The following TCHP variants were observed in gnomAD, a reference collection of about 807,000 sequenced individuals.
TCHP encodes trichoplein keratin filament-binding protein.
In TCHP, 81 loss-of-function variants were observed where a neutral mutation model predicts 88.7. That is an observed-to-expected ratio of 0.91 (90% CI 0.76 to 1.10). TCHP has a LOEUF of 1.10. Among genes scored for constraint, TCHP ranks in the 50% least tolerant of loss-of-function variants. The pLI is 0.00. For synonymous variants in TCHP, 232 were observed against 232.5 expected (o/e 1.00, Z 0.02); for missense variants, 641 against 632.1 (o/e 1.01, Z -0.15).
chr12:109,904,629 G>C, intron 3 of TCHP, 108 bp from the exon 4 acceptor site: 2 of 910,984 alleles, frequency 2.2e-6, no homozygotes, highest in East Asian at 5.0e-5. Flanking sequence ...CAGTGACGGT[G>C]TGAAGGGAGG....
the TCHP span, among the ~76,000 whole-genome samples, chr12:109,890,347 T>C: frequency 6.7e-6 from 1 of 150,158 alleles, no homozygotes; most frequent in Non-Finnish European, 1.5e-5. Context: ...CGCATGTGCC[T>C]GTGGTCCCAG....
the TCHP span, among the ~76,000 whole-genome samples, chr12:109,891,049 T>C: frequency 6.6e-6 from 1 of 152,248 alleles, no homozygotes; most frequent in Non-Finnish European, 1.5e-5. Flanking sequence ...CTAGGGTATT[T>C]GTTCCTTTCT....
chr12:109,908,677 T>C lies in TCHP; in HGVS notation c.791T>C (p.Phe264Ser). Residue 264 changes from phenylalanine to serine, a missense_variant, in exon 7 of 13, where the codon TTC (phenylalanine) becomes TCC (serine). Coordinates refer to ENST00000405876, the MANE Select transcript of TCHP (RefSeq NM_001143852.2). ...LEEERKQMEA[F>S]RQKAELGRFL... The stretch of plus-strand genomic sequence containing the variant: ...GAAGAGCGAAAGCAGATGGAAGCCT[T>C]CCGGCAGAAGGCAGAGCTGGGGTGT... 6.3e-7 allele frequency: 1 copy of C among 1,597,300 alleles called. No homozygotes were observed. Among genetic ancestry groups the C allele is most frequent in the Non-Finnish European group, 8.5e-7 (1 of 1,173,466 alleles).
rs1287484616 is a variant in TCHP at position 109,905,477 on chromosome 12, C to T, written c.456+684C>T. Among the ~76,000 whole-genome samples the T allele has an allele frequency of 6.6e-6, 1 of 152,172 alleles. No individual in the cohort carries two copies. Among genetic ancestry groups the T allele is most frequent in the Admixed American group, 6.5e-5 (1 of 15,274 alleles). On this transcript the variant is annotated intron_variant, in intron 4 of 12. Coordinates refer to ENST00000405876, the MANE Select transcript of TCHP (RefSeq NM_001143852.2). This position sits in a 1 kb window ranked among gnomAD's most constrained non-coding sequence, Gnocchi z 4.0. ...GACTCCTCTGGTAGCAATGTGCCCG[C>T]CGACAGGGAGGGGTGCTGCGACAGC...
the TCHP span, among the ~76,000 whole-genome samples, chr12:109,886,682 T>C: frequency 6.6e-6 from 1 of 152,080 alleles, no homozygotes; most frequent in Admixed American, 6.6e-5. Flanking sequence ...GATGTGCTTT[T>C]TGTTTTTTGG....
chr12:109,899,320 A>G (rs1448920525), upstream of TCHP, among the ~76,000 whole-genome samples: 2 of 152,144 alleles, frequency 1.3e-5, no homozygotes, highest in South Asian at 2.1e-4. Context: ...AACACTTTTG[A>G]ACTCACCACC....
chr12:109,895,773 C>G (rs1376251213), upstream of TCHP, among the ~76,000 whole-genome samples: 6 of 152,140 alleles, frequency 3.9e-5, no homozygotes, highest in Admixed American at 1.3e-4. Flanking sequence ...GTGTCACCCC[C>G]TCTCCCTGTT....
rs1870913345 is a variant in TCHP, at chr12:109,918,041, T to C, written c.*1418T>C. ...GTTCCCCATTTCAGATGTCCAGTAA[T>C]GGTGAAATAAAATCCTGCTTCGACA... is the stretch of plus-strand genomic sequence containing the variant. On this transcript the variant is annotated 3_prime_UTR_variant, in exon 13 of 13. Coordinates refer to ENST00000405876, the MANE Select transcript of TCHP (RefSeq NM_001143852.2). The C allele has an allele frequency of 6.6e-6, 1 of 152,192 alleles. No homozygotes were observed. Among genetic ancestry groups the C allele is most frequent in the Non-Finnish European group, 1.5e-5 (1 of 68,032 alleles). 9.4% of individuals were successfully genotyped at this position (152,192 alleles called of 1,614,324 possible).
At position 109,917,626 on chromosome 12, in the gene TCHP, C is replaced by T. The variant is rs117176903; in HGVS notation, c.*1003C>T. ...CTAGATGAGTCTCAGAACCACAGAC[C>T]GGCCAGAAATCTCTCCCACCATTAT... is the stretch of plus-strand genomic sequence containing the variant. On this transcript the variant is annotated 3_prime_UTR_variant, in exon 13 of 13. Transcript: ENST00000405876. The T allele has an allele frequency of 9.2e-3, 1,400 of 152,622 alleles. 14 individuals carry two copies. The highest frequency in any genetic ancestry group is 9.5e-3 in the Non-Finnish European group (647 of 68,006). The allele number at this position is 152,622 out of a possible 1,614,324, so 9.5% of individuals were successfully genotyped here.
rs561349669 is a variant in TCHP, at chr12:109,917,235, C to T, written c.*612C>T. On this transcript the variant is annotated 3_prime_UTR_variant, in exon 13 of 13. Transcript: ENST00000405876. Reference sequence around the variant, plus strand: ...AAAAGTGGCAAGAGATGAGTCTTTCCTCCTCCAGGAAGCATTTTGGTAGAA... The same window carrying T: ...AAAAGTGGCAAGAGATGAGTCTTTCTTCCTCCAGGAAGCATTTTGGTAGAA... 4 of 152,330 alleles carry T rather than the reference C, an allele frequency of 2.6e-5. No individual in the cohort carries two copies. The highest frequency in any genetic ancestry group is 6.5e-5 in the Admixed American group (1 of 15,300). 9.4% of individuals were successfully genotyped at this position (152,330 alleles called of 1,614,324 possible).
In TCHP at chr12:109,907,514, GGTCCCTT is replaced by G. The variant is rs1469834028; in HGVS notation, c.526-9_526-3del. The G allele has an allele frequency of 5.6e-6, 9 of 1,613,440 alleles. No homozygotes were observed. The highest frequency in any genetic ancestry group is 6.8e-6 in the Non-Finnish European group (8 of 1,179,644). On this transcript the variant is annotated splice_polypyrimidine_tract_variant and splice_region_variant and intron_variant, in intron 5 of 12. Coordinates refer to ENST00000405876, the MANE Select transcript of TCHP (RefSeq NM_001143852.2). ...TACAGATATTGACCTGTGTTCATTT[GGTCCCTT>G]GTAGCAAGAAGCCACCGCAGAGCAA... is the stretch of plus-strand genomic sequence containing the variant.
In TCHP at chr12:109,911,044, C is replaced by T. The variant is rs774334754; in HGVS notation, c.880-19C>T. 34 of 1,537,856 alleles carry T rather than the reference C, an allele frequency of 2.2e-5. No individual in the cohort carries two copies. Among genetic ancestry groups the T allele is most frequent in the Non-Finnish European group, 2.1e-5 (24 of 1,139,896 alleles). ...GACTCTGTCCAGCCCAGCCACGTGC[C>T]GCCCTCTGCTTCCTCTAGGAGGCAG... On this transcript the variant is annotated intron_variant, in intron 8 of 12. Coordinates refer to ENST00000405876, the MANE Select transcript of TCHP (RefSeq NM_001143852.2).
chr12:109,906,628 A>C lies in TCHP; in HGVS notation c.513A>C (p.Glu171Asp). 1 of 1,609,150 alleles carries C rather than the reference A, an allele frequency of 6.2e-7. No individual in the cohort carries two copies. Among genetic ancestry groups the C allele is most frequent in the Non-Finnish European group, 8.5e-7 (1 of 1,179,820 alleles). The change falls in exon 5 of 13, where the codon GAA (glutamate) becomes GAC (aspartate). Residue 171 changes from glutamate (E) to aspartate (D), a missense_variant. Transcript: ENST00000405876. ...TAAACTCTTGGGAAATGCAGAAAGA[A>C]GAAAAAAAACAGGTGTGGTATGTGG... is the stretch of plus-strand genomic sequence containing the variant. ...HVVNSWEMQK[E>D]EKKQQEATAE...
the TCHP span, chr12:109,888,617 C>T: frequency 6.6e-6 from 1 of 152,166 alleles, no homozygotes; most frequent in East Asian, 1.9e-4. Context: ...AGGCTGAGTT[C>T]GTGGTCTTGC....
rs1274407789 is a variant in TCHP at position 109,905,325 on chromosome 12, A to G, written c.456+532A>G. Among the ~76,000 whole-genome samples the G allele has an allele frequency of 6.6e-6, 1 of 152,218 alleles. No homozygotes were observed. The highest frequency in any genetic ancestry group is 1.5e-5 in the Non-Finnish European group (1 of 68,042). On this transcript the variant is annotated intron_variant, in intron 4 of 12. Transcript: ENST00000405876. The surrounding 1 kb of genome is among the most constrained non-coding windows in gnomAD (Gnocchi z 4.0). ...TGTCTGGGTGAGGCTAGGATGTCAG[A>G]TAGTGAGGGAGAACCCCAAGAAATG...
chr12:109,908,827 C>T (rs1870311696), intron 7 of TCHP, 44 bp from the exon 8 acceptor site: 1 of 1,606,250 alleles, frequency 6.2e-7, no homozygotes, highest in Non-Finnish European at 8.5e-7. Flanking sequence ...CTATTTAATT[C>T]TTTCTGAGAT....
the TCHP span, among the ~76,000 whole-genome samples, chr12:109,890,428 G>A: frequency 6.6e-6 from 1 of 151,834 alleles, no homozygotes; most frequent in Non-Finnish European, 1.5e-5. Context: ...CCATGATTGT[G>A]CCACTGCACT....
intron 6 of TCHP, among the ~76,000 whole-genome samples, 197 bp from the exon 7 acceptor site, chr12:109,908,389 G>A (rs987350996): frequency 2.6e-5 from 4 of 152,146 alleles, no homozygotes; most frequent in Non-Finnish European, 4.4e-5. Context: ...TAGAGTTCAG[G>A]GCTCAGAAAG....
intron 8 of TCHP, 54 bp downstream of exon 8, chr12:109,908,991 C>A: frequency 6.5e-7 from 1 of 1,537,180 alleles, no homozygotes. Flanking sequence ...GTAAAAAAGG[C>A]CTTCCATTGC....
Sources: allele counts gnomAD v4.1 joint callset (sites outside exome capture counted in the v4.1 genomes callset), GRCh38; gene constraint gnomAD v4.1.1; non-coding constraint Gnocchi (gnomAD v3.1); transcripts MANE v1.5; gene names NCBI Gene and HGNC (gene_info 2026-07-23, HGNC 2026-07-21).